Variants in ZCCHC14 observed in about 807,000 individuals in gnomAD.
ZCCHC14 encodes the protein zinc finger CCHC-type containing 14.
A neutral mutation model predicts 85.0 loss-of-function variants in ZCCHC14; 16 were observed. The observed-to-expected ratio is 0.19, with a 90% CI of 0.13 to 0.29. ZCCHC14 has a LOEUF of 0.29. ZCCHC14 is among the 10% of genes least tolerant of loss of function. The pLI, the probability that ZCCHC14 is intolerant of heterozygous loss-of-function variation, is 1.00. For synonymous variants in ZCCHC14, 775 were observed against 630.7 expected (o/e 1.23, Z -3.43); for missense variants, 1,303 against 1,443.5 (o/e 0.90, Z 1.58).
Position 87,412,973 on chromosome 16 carries a change from A to G in ZCCHC14, c.1748T>C (p.Val583Ala), listed in dbSNP as rs374146125. ...SDSAEENDRR[V>A]EIHLESSDKE... ...GTCAGAGCTCTCCAAGTGAATCTCC[A>G]CACCTAGAGAGGGAAACAAGAGTGG... The change falls in exon 12 of 13, where the codon GTG becomes GCG. Residue 583 changes from valine to alanine, a missense_variant. By Grantham distance (64) the Val-to-Ala change is moderately conservative. This residue lies in a region of ZCCHC14 where 797 missense variants were observed against 730.8 expected (regional missense o/e 1.09). Transcript: ENST00000671377. The G allele has an allele frequency of 1.2e-6, 2 of 1,611,692 alleles. No homozygotes were observed. The highest frequency in any genetic ancestry group is 3.4e-5 in the Admixed American group (2 of 59,614).
At chr16:87,477,153 C>CAAAAAAAAAAAAAAAAAAAAAAAAAAA (rs1412376609) in intron 1 of ZCCHC14, among the ~76,000 whole-genome samples, 1 of 116,208 alleles carries the variant, frequency 8.6e-6, no homozygotes, top group African/African-American at 4.5e-5. Context: ...AAAACAAAAC[C>CAAAAAAAAAAAAAAAAAAAAAAAAAAA]AAAAAAAAAT....
At chr16:87,478,088 C>A (rs1318052627) in intron 1 of ZCCHC14, among the ~76,000 whole-genome samples, 1 of 152,230 alleles carries the variant, frequency 6.6e-6, no homozygotes, top group Admixed American at 6.5e-5. Flanking sequence ...GGAAAAATAA[C>A]ATTGATAAAT....
intron 1 of ZCCHC14, among the ~76,000 whole-genome samples, chr16:87,484,652 C>A (rs1356830373): frequency 1.3e-5 from 2 of 152,152 alleles, no homozygotes; most frequent in Admixed American, 1.3e-4. Context: ...CGCCAGCCAG[C>A]GGGATGGAAG....
At chr16:87,449,796 G>T (rs752212550) in intron 2 of ZCCHC14, among the ~76,000 whole-genome samples, 9 of 152,208 alleles carry the variant, frequency 5.9e-5, no homozygotes, top group Non-Finnish European at 1.0e-4. Context: ...TGTGATCCCA[G>T]CACTTTGGGA....
chr16:87,412,390 C>T lies in ZCCHC14; in HGVS notation c.2331G>A (p.Leu777=), dbSNP rs1174933254. 6.2e-7 allele frequency: 1 copy of T among 1,614,230 alleles called. No individual in the cohort carries two copies. Residue 777 remains leucine (L), a synonymous_variant, in exon 12 of 13, where the codon CTG becomes CTA. Transcript: ENST00000671377. ...LHAARPPIKL[L]LSSSVPADSA... is the part of the protein sequence containing the mutation. ...AATCAGCAGGAACAGATGACGACAG[C>T]AGCAGTTTGATGGGCGGACGGGCGG... is the stretch of plus-strand genomic sequence containing the variant.
chr16:87,474,522 A>G (rs1381547370), intron 1 of ZCCHC14, among the ~76,000 whole-genome samples: 1 of 152,152 alleles, frequency 6.6e-6, no homozygotes, highest in East Asian at 1.9e-4. Context: ...CCTCTTGCAG[A>G]TAACTATAAA....
At chr16:87,440,507 C>T (rs554020094) in intron 2 of ZCCHC14, among the ~76,000 whole-genome samples, 3 of 152,208 alleles carry the variant, frequency 2.0e-5, no homozygotes, top group East Asian at 3.9e-4. Flanking sequence ...TTTTATAAAA[C>T]AGAATTTGTA....
chr16:87,461,265 G>C lies in ZCCHC14; in HGVS notation c.571-1134C>G, dbSNP rs748889091. On this transcript the variant is annotated intron_variant, in intron 1 of 12. Coordinates refer to ENST00000671377, the MANE Select transcript of ZCCHC14 (RefSeq NM_015144.3). The stretch of plus-strand genomic sequence containing the variant: ...TGTGGAATAAGCCGGAAGGGGCCCA[G>C]AGGGGCGAGAGGAGGGGGGTAGCAA... Among the ~76,000 whole-genome samples, 9 of 152,234 alleles carry C rather than the reference G, an allele frequency of 5.9e-5. 1 individual carries two copies. The highest frequency in any genetic ancestry group is 5.2e-4 in the Admixed American group (8 of 15,290).
chr16:87,458,338 G>A (rs1045936043), intron 2 of ZCCHC14, among the ~76,000 whole-genome samples: 2 of 152,160 alleles, frequency 1.3e-5, no homozygotes, highest in Admixed American at 6.5e-5. Flanking sequence ...CCAAGTGTCC[G>A]CTCTGGGGTT....
chr16:87,462,715 G>C (rs1282643775), intron 1 of ZCCHC14, among the ~76,000 whole-genome samples: 4 of 149,700 alleles, frequency 2.7e-5, no homozygotes, highest in African/African-American at 9.8e-5. Flanking sequence ...ACTCCAGCCT[G>C]GGCGACAGAG....
intron 1 of ZCCHC14, among the ~76,000 whole-genome samples, chr16:87,477,471 C>T (rs1370509544): frequency 2.0e-5 from 3 of 152,186 alleles, no homozygotes; most frequent in South Asian, 4.1e-4. Context: ...TTCTACCAGC[C>T]GCAGAGTCTG....
In ZCCHC14 at chr16:87,491,087, G is replaced by A. The variant is rs1433558862; in HGVS notation, c.570+582C>T. The stretch of plus-strand genomic sequence containing the variant: ...TGGGGAAACCAAGGCGCCGCAATGT[G>A]TGTTATCTGTCACCCAAGGGCCCCA... On this transcript the variant is annotated intron_variant, in intron 1 of 12. Transcript: ENST00000671377. The surrounding 1 kb of genome is among the most constrained non-coding windows in gnomAD (Gnocchi z 5.9). 1.3e-5 allele frequency among the ~76,000 whole-genome samples: 2 copies of A among 152,244 alleles called. No homozygotes were observed. Among genetic ancestry groups the A allele is most frequent in the Non-Finnish European group, 2.9e-5 (2 of 68,040 alleles).
intron 2 of ZCCHC14, among the ~76,000 whole-genome samples, chr16:87,457,992 G>A (rs950738407): frequency 5.3e-5 from 8 of 152,058 alleles, no homozygotes; most frequent in Non-Finnish European, 7.4e-5. Flanking sequence ...GCCAGCCTAC[G>A]CAGGCTTTGC....
intron 6 of ZCCHC14, among the ~76,000 whole-genome samples, chr16:87,419,114 G>A (rs1275266769): frequency 6.6e-6 from 1 of 150,988 alleles, no homozygotes; most frequent in African/African-American, 2.4e-5. Flanking sequence ...CTGCCACCAC[G>A]CCCGGCTAAT....
intron 2 of ZCCHC14, among the ~76,000 whole-genome samples, chr16:87,457,249 T>C (rs1166544719): frequency 6.6e-6 from 1 of 152,248 alleles, no homozygotes; most frequent in Admixed American, 6.5e-5. Flanking sequence ...CACTGGTTAA[T>C]GTGTACTCAT....
At chr16:87,454,529 A>G (rs1178262131) in intron 2 of ZCCHC14, among the ~76,000 whole-genome samples, 1 of 152,278 alleles carries the variant, frequency 6.6e-6, no homozygotes, top group Non-Finnish European at 1.5e-5. Flanking sequence ...TTCCATAATT[A>G]GCCAGAATGA....
At chr16:87,458,382 G>C (rs773673540) in intron 2 of ZCCHC14, among the ~76,000 whole-genome samples, 1 of 152,218 alleles carries the variant, frequency 6.6e-6, no homozygotes. Flanking sequence ...TGAGGGTGCG[G>C]TGAAGACGCT....
chr16:87,441,104 C>G (rs772824108), intron 2 of ZCCHC14, among the ~76,000 whole-genome samples: 14 of 151,638 alleles, frequency 9.2e-5, no homozygotes, highest in Non-Finnish European at 1.6e-4. Flanking sequence ...CCCGGGTTCA[C>G]GCCTCAGCCT....
intron 1 of ZCCHC14, among the ~76,000 whole-genome samples, chr16:87,487,179 A>G (rs1912547601): frequency 6.6e-6 from 1 of 152,204 alleles, no homozygotes; most frequent in South Asian, 2.1e-4. Context: ...GCTTATCCTC[A>G]GGCACTCACA....
Sources: allele counts gnomAD v4.1 joint callset (sites outside exome capture counted in the v4.1 genomes callset), GRCh38; gene constraint gnomAD v4.1.1; regional missense constraint gnomAD v4.1.1; non-coding constraint Gnocchi (gnomAD v3.1); transcripts MANE v1.5; gene names NCBI Gene and HGNC (gene_info 2026-07-23, HGNC 2026-07-21).